Variants in EAPP observed in about 807,000 individuals in gnomAD.
EAPP encodes E2F associated phosphoprotein, also known as E2F-associated phosphoprotein.
EAPP carries 38 observed loss-of-function variants against 34.3 expected under a neutral mutation model. The ratio of observed to expected loss-of-function variants is 1.11; its 90% CI spans 0.85 to 1.45. The LOEUF (loss-of-function observed/expected upper bound fraction) is 1.45, where lower values mean the gene tolerates loss of function less well. Among genes scored for constraint, EAPP ranks in the 40% most tolerant of loss-of-function variants. The pLI is 0.00. For missense variants in EAPP, 338 were observed against 343.7 expected (o/e 0.98, Z 0.13); for synonymous variants, 113 against 117.6 (o/e 0.96, Z 0.25).
At position 34,536,104 on chromosome 14, in the gene EAPP, A is replaced by G. The variant is rs554875909; in HGVS notation, c.246T>C (p.Ser82=). The G allele has an allele frequency of 1.9e-5, 31 of 1,607,242 alleles. No individual in the cohort carries two copies. The African/African-American group carries it at 3.5e-4, about 18-fold the overall frequency. Reference sequence around the variant, plus strand: ...GAACCAAAAGTTTACCAGTTCCCAGAGAGGATAACTTGTCCTCCATTGTTT... The same window carrying G: ...GAACCAAAAGTTTACCAGTTCCCAGGGAGGATAACTTGTCCTCCATTGTTT... ...TMKTMEDKLS[S]LGTGSSSGNG... The change falls in exon 2 of 6, where the codon TCT becomes TCC. Residue 82 remains serine, a synonymous_variant. Transcript: ENST00000250454.
chr14:34,516,449 T>TC lies in EAPP; in HGVS notation c.718dup (p.Glu240GlyfsTer22). ...TGTCTCTGCCTTCTCGGCAGCATCT[T>TC]CCCGGTTAGACCTCATCTTCTTATG... On this transcript the variant is annotated frameshift_variant, in exon 6 of 6. Coordinates refer to ENST00000250454, the MANE Select transcript of EAPP (RefSeq NM_018453.4). LOFTEE classifies it high-confidence loss of function. 6.2e-7 allele frequency: 1 copy of TC among 1,614,190 alleles called. No homozygotes were observed. Among genetic ancestry groups the TC allele is most frequent in the Middle Eastern group, 1.6e-4 (1 of 6,062 alleles).
chr14:34,519,855 A>T (rs56089334), intron 5 of EAPP, among the ~76,000 whole-genome samples: 51,070 of 149,782 alleles, frequency 0.34, 9,043 homozygotes, highest in Non-Finnish European at 0.4. Context: ...CAAAAAAAAA[A>T]CTTACAGTTA....
intron 3 of EAPP, among the ~76,000 whole-genome samples, chr14:34,532,558 G>A (rs1399212030): frequency 2.6e-5 from 4 of 152,158 alleles, no homozygotes; most frequent in Admixed American, 2.6e-4. Context: ...AAGGAAGAGG[G>A]GGGAAAAGCC....
intron 1 of EAPP, 189 bp downstream of exon 1, chr14:34,539,366 A>G (rs1318088374): frequency 1.4e-6 from 1 of 711,106 alleles, no homozygotes. Flanking sequence ...TACAGGCGAC[A>G]TCGGCACCGC....
intron 4 of EAPP, among the ~76,000 whole-genome samples, chr14:34,526,435 C>G (rs926222171): frequency 6.7e-6 from 1 of 150,162 alleles, no homozygotes; most frequent in South Asian, 2.1e-4. Context: ...CCCAAAAAAA[C>G]AAAAACAAAA....
chr14:34,537,673 T>C (rs1880520920), intron 1 of EAPP, among the ~76,000 whole-genome samples: 1 of 152,196 alleles, frequency 6.6e-6, no homozygotes, highest in African/African-American at 2.4e-5. Flanking sequence ...TTCTCCAAGC[T>C]CAAGTAGTCT....
chr14:34,536,025 G>T, intron 2 of EAPP, 69 bp downstream of exon 2: 1 of 1,123,516 alleles, frequency 8.9e-7, no homozygotes, highest in Non-Finnish European at 1.3e-6. Context: ...GAACATAGAA[G>T]AGCACAAATA....
chr14:34,539,434 A>T, intron 1 of EAPP, 121 bp downstream of exon 1: 3 of 1,101,496 alleles, frequency 2.7e-6, no homozygotes, highest in Non-Finnish European at 4.1e-6. Context: ...CACAAGTAAC[A>T]GGCACGACAG....
chr14:34,521,395 C>G (rs1325506694), intron 5 of EAPP, among the ~76,000 whole-genome samples: 1 of 152,050 alleles, frequency 6.6e-6, no homozygotes, highest in East Asian at 1.9e-4. Flanking sequence ...TTTGAATAAG[C>G]TTTCTACTCC....
At chr14:34,533,586 C>G in intron 2 of EAPP, 47 bp from the exon 3 acceptor site, 4 of 1,315,628 alleles carry the variant, frequency 3.0e-6, no homozygotes, top group Non-Finnish European at 4.2e-6. Context: ...ATACATAATT[C>G]ACAAGGCAAA....
chr14:34,530,532 A>C (rs1187558016), intron 3 of EAPP, among the ~76,000 whole-genome samples: 1 of 152,122 alleles, frequency 6.6e-6, no homozygotes, highest in Non-Finnish European at 1.5e-5. Context: ...ATCTCTAAAA[A>C]AGTAAAAAAT....
Position 34,529,278 on chromosome 14 carries a change from T to C in EAPP, c.470+80A>G, listed in dbSNP as rs1168600001. ...GTGTTTGTGTAAACATATACACATATATTCAAAATGTGAATGTAGTAAAAA... is the reference window on the plus strand; with the variant it reads ...GTGTTTGTGTAAACATATACACATACATTCAAAATGTGAATGTAGTAAAAA... On this transcript the variant is annotated intron_variant, in intron 4 of 5. Transcript: ENST00000250454. 15 of 1,052,420 alleles carry C rather than the reference T, an allele frequency of 1.4e-5. No homozygotes were observed. The South Asian group carries it at 1.9e-4, about 14-fold the overall frequency. The allele number at this position is 1,052,420 out of a possible 1,614,324, so 65.2% of individuals were successfully genotyped here. A position where few individuals can be genotyped will look rare whatever the true frequency, so the allele number is the denominator to read the frequency against.
intron 3 of EAPP, among the ~76,000 whole-genome samples, chr14:34,530,526 C>A (rs1880248522): frequency 6.6e-6 from 1 of 151,834 alleles, no homozygotes; most frequent in Non-Finnish European, 1.5e-5. Context: ...AGACCTATCT[C>A]TAAAAAAGTA....
chr14:34,527,580 T>C (rs778610067), intron 4 of EAPP, among the ~76,000 whole-genome samples: 11 of 152,044 alleles, frequency 7.2e-5, no homozygotes, highest in Non-Finnish European at 1.5e-4. Flanking sequence ...GATGAAAGGA[T>C]AAACAAATTG....
chr14:34,536,307 A>C (rs760988801), intron 1 of EAPP, 32 bp from the exon 2 acceptor site: 1 of 1,503,282 alleles, frequency 6.7e-7, no homozygotes. Flanking sequence ...AAGAATATGA[A>C]TATTTAAAAA....
chr14:34,516,351 C>A lies in EAPP; in HGVS notation c.817G>T (p.Glu273Ter). ...STEVAVYDKD[E>*]VFHFFNVLAS... ...AAAACATTGAAAAAATGAAAGACTT[C>A]ATCCTTGTCGTAGACTGCCACTTCA... Residue 273 changes from glutamate to a stop codon, truncating the protein, a stop_gained, in exon 6 of 6, where the codon GAA (glutamate) becomes TAA (stop). Transcript: ENST00000250454. LOFTEE classifies it high-confidence loss of function. The A allele has an allele frequency of 6.2e-7, 1 of 1,613,540 alleles. No homozygotes were observed. The highest frequency in any genetic ancestry group is 8.5e-7 in the Non-Finnish European group (1 of 1,179,790).
intron 2 of EAPP, among the ~76,000 whole-genome samples, chr14:34,535,216 G>A (rs1880429237): frequency 6.8e-6 from 1 of 147,640 alleles, no homozygotes; most frequent in Non-Finnish European, 1.5e-5. Flanking sequence ...TGCAACCTCC[G>A]CCTTCCGGGT....
intron 3 of EAPP, among the ~76,000 whole-genome samples, chr14:34,532,836 G>T (rs930396089): frequency 6.6e-6 from 1 of 151,968 alleles, no homozygotes; most frequent in African/African-American, 2.4e-5. Context: ...CACCAAGCCT[G>T]GCTAATTTTT....
intron 5 of EAPP, among the ~76,000 whole-genome samples, chr14:34,519,013 G>C (rs1466742797): frequency 1.3e-5 from 2 of 152,114 alleles, no homozygotes; most frequent in Non-Finnish European, 2.9e-5. Flanking sequence ...GCTTGGGTCT[G>C]TGTCCCTGCC....
Sources: gnomAD v4.1 joint callset for allele counts (sites outside exome capture counted in the v4.1 genomes callset) on GRCh38, gnomAD v4.1.1 for gene constraint, MANE v1.5 for transcripts, NCBI Gene and HGNC (gene_info 2026-07-23, HGNC 2026-07-21) for gene names.